PTPRD: variants seen among roughly 807,000 people sequenced by gnomAD.
PTPRD encodes the protein protein tyrosine phosphatase receptor type D.
PTPRD carries 34 observed loss-of-function variants against 214.5 expected under a neutral mutation model. The observed-to-expected ratio is 0.16, with a 90% confidence interval of 0.12 to 0.21. PTPRD has a LOEUF of 0.21. Among genes scored for constraint, PTPRD ranks in the 10% least tolerant of loss-of-function variants. PTPRD has a pLI of 1.00. For missense variants in PTPRD, 2,545 were observed against 2,398.7 expected (o/e 1.06, Z -1.27); for synonymous variants, 1,128 against 845.7 (o/e 1.33, Z -5.79).
At chr9:8,832,224 G>C (rs1369643501) in intron 11 of PTPRD, among the ~76,000 whole-genome samples, 3 of 151,918 alleles carry the variant, frequency 2.0e-5, no homozygotes, top group Non-Finnish European at 4.4e-5. Context: ...CAAATGGTGT[G>C]CATTGATCCA....
At chr9:10,192,762 T>C (rs963127066) in intron 3 of PTPRD, among the ~76,000 whole-genome samples, 1 of 152,144 alleles carries the variant, frequency 6.6e-6, no homozygotes, top group South Asian at 2.1e-4. Flanking sequence ...CCACTTTCTA[T>C]GGATCTCAGT....
chr9:10,355,554 A>C (rs914329986), intron 2 of PTPRD, among the ~76,000 whole-genome samples: 4 of 151,392 alleles, frequency 2.6e-5, no homozygotes, highest in African/African-American at 9.7e-5. Context: ...TCTCAGCTCA[A>C]TGCAACCTCC....
intron 10 of PTPRD, among the ~76,000 whole-genome samples, chr9:9,108,336 T>C (rs324544): frequency 0.52 from 79,751 of 152,002 alleles, 21,965 homozygotes; most frequent in Non-Finnish European, 0.62. Flanking sequence ...AACAGAAACC[T>C]TCATTTGACC....
intron 8 of PTPRD, among the ~76,000 whole-genome samples, chr9:9,500,453 C>A (rs1291568638): frequency 6.6e-6 from 1 of 152,092 alleles, no homozygotes; most frequent in Non-Finnish European, 1.5e-5. Context: ...AAGAACACAG[C>A]AGTGCCACTG....
intron 11 of PTPRD, among the ~76,000 whole-genome samples, chr9:8,801,118 C>T (rs1330353297): frequency 6.6e-6 from 1 of 152,142 alleles, no homozygotes; most frequent in Non-Finnish European, 1.5e-5. Context: ...CAATTTCTCT[C>T]TTGCTGGAGT....
intron 11 of PTPRD, among the ~76,000 whole-genome samples, chr9:8,930,247 T>C (rs2154280883): frequency 6.6e-6 from 1 of 152,046 alleles, no homozygotes; most frequent in African/African-American, 2.4e-5. Flanking sequence ...TTGCTGAGAA[T>C]GATGGTTTCC....
chr9:8,887,368 C>A (rs2098500128), intron 11 of PTPRD, among the ~76,000 whole-genome samples: 1 of 152,102 alleles, frequency 6.6e-6, no homozygotes, highest in Non-Finnish European at 1.5e-5. Context: ...GGCTCCTGCA[C>A]ATAGATGGAA....
chr9:9,329,148 T>C (rs2136416332), intron 9 of PTPRD, among the ~76,000 whole-genome samples: 1 of 152,224 alleles, frequency 6.6e-6, no homozygotes, highest in Middle Eastern at 3.4e-3. Context: ...CAGCAAAACT[T>C]GGTAATGACA....
intron 3 of PTPRD, among the ~76,000 whole-genome samples, chr9:10,264,249 T>C (rs1238119862): frequency 1.3e-5 from 2 of 152,128 alleles, no homozygotes; most frequent in Non-Finnish European, 2.9e-5. Context: ...AGAAGAGGGC[T>C]GCCATCATCC....
rs142786251 is a variant in PTPRD at position 9,799,773 on chromosome 9, A to T, written c.-367-32922T>A. Among the ~76,000 whole-genome samples the T allele has an allele frequency of 1.7e-3, 258 of 152,358 alleles. 1 individual carries two copies. The highest frequency in any genetic ancestry group is 5.7e-3 in the African/African-American group (238 of 41,588). On this transcript the variant is annotated intron_variant, in intron 5 of 45. Coordinates refer to ENST00000381196, the MANE Select transcript of PTPRD (RefSeq NM_002839.4). ...AATAAAGGGTTAAAAGTAACAAAAG[A>T]GTTTGAGGCCTTAACAAAAGGACAA...
At chr9:8,815,182 T>A (rs927243873) in intron 11 of PTPRD, among the ~76,000 whole-genome samples, 1 of 152,016 alleles carries the variant, frequency 6.6e-6, no homozygotes, top group South Asian at 2.1e-4. Context: ...AAAGAAGATA[T>A]AGAGTAGAAG....
At chr9:9,257,992 C>A (rs2099978466) in intron 9 of PTPRD, among the ~76,000 whole-genome samples, 1 of 151,766 alleles carries the variant, frequency 6.6e-6, no homozygotes, top group Admixed American at 6.6e-5. Flanking sequence ...AGAAAATCAG[C>A]TGTTAAATTT....
chr9:9,091,414 T>A (rs889769194), intron 10 of PTPRD, among the ~76,000 whole-genome samples: 2 of 152,230 alleles, frequency 1.3e-5, no homozygotes, highest in African/African-American at 2.4e-5. Context: ...AAAGTTTTAT[T>A]CCTTTAAAAA....
chr9:9,322,731 C>T (rs551709782), intron 9 of PTPRD, among the ~76,000 whole-genome samples: 8 of 152,072 alleles, frequency 5.3e-5, no homozygotes, highest in African/African-American at 1.9e-4. Context: ...TGGTTTCAAC[C>T]GTTTTGTAGA....
chr9:10,470,799 A>G (rs987974791), intron 2 of PTPRD, among the ~76,000 whole-genome samples: 2 of 152,184 alleles, frequency 1.3e-5, no homozygotes, highest in Admixed American at 6.6e-5. Flanking sequence ...TCAGTTCTCA[A>G]AAGGAAACAG....
At chr9:9,122,617 T>C (rs1391129803) in intron 10 of PTPRD, among the ~76,000 whole-genome samples, 1 of 152,226 alleles carries the variant, frequency 6.6e-6, no homozygotes, top group African/African-American at 2.4e-5. Context: ...CCTCCCATCT[T>C]GAAATGCTAT....
intron 2 of PTPRD, among the ~76,000 whole-genome samples, chr9:10,498,626 A>G (rs1176545653): frequency 6.6e-6 from 1 of 151,920 alleles, no homozygotes; most frequent in Non-Finnish European, 1.5e-5. Context: ...TGACTATAAT[A>G]GATATCTTAT....
chr9:9,830,217 G>C (rs1394194299), intron 5 of PTPRD, among the ~76,000 whole-genome samples: 1 of 151,608 alleles, frequency 6.6e-6, no homozygotes, highest in Non-Finnish European at 1.5e-5. Flanking sequence ...TTTTTAAAAA[G>C]TTTTATTACT....
intron 5 of PTPRD, among the ~76,000 whole-genome samples, chr9:9,771,572 C>T (rs919748590): frequency 1.3e-5 from 2 of 152,166 alleles, no homozygotes; most frequent in Non-Finnish European, 2.9e-5. Context: ...AGTTACTCCA[C>T]ATCACCTTAT....
Sources: gnomAD v4.1 joint callset for allele counts (sites outside exome capture counted in the v4.1 genomes callset) on GRCh38, gnomAD v4.1.1 for gene constraint, MANE v1.5 for transcripts, NCBI Gene and HGNC (gene_info 2026-07-23, HGNC 2026-07-21) for gene names.